Variants in HDX observed in about 807,000 individuals in gnomAD.
HDX encodes the protein highly divergent homeobox.
HDX carries 19 observed loss-of-function variants against 45.2 expected under a neutral mutation model. That is an observed-to-expected ratio of 0.42 (90% CI 0.29 to 0.62). The LOEUF is 0.62. HDX is among the 20% of genes least tolerant of loss of function. The pLI is 0.20. For synonymous variants in HDX, 188 were observed against 172.8 expected, an observed-to-expected ratio of 1.09 and a Z score of -0.69; for missense variants, 532 against 493.9, an observed-to-expected ratio of 1.08 and a Z score of -0.73.
intron 7 of HDX, among the ~76,000 whole-genome samples, chrX:84,343,735 A>T (rs2037137846): frequency 1.8e-5 from 2 of 111,466 alleles, no homozygotes; most frequent in African/African-American, 6.5e-5. Context: ...TATTATTTTA[A>T]TTATTTTTTA....
chrX:84,448,461 T>C (rs193067325), intron 4 of HDX, among the ~76,000 whole-genome samples: 47 of 110,785 alleles, frequency 4.2e-4, no homozygotes, highest in Non-Finnish European at 7.8e-4. Context: ...AATGTCTCTG[T>C]TCCCAGCAAA....
At chrX:84,466,219 C>A (rs967164214) in intron 4 of HDX, among the ~76,000 whole-genome samples, 1 of 112,351 alleles carries the variant, frequency 8.9e-6, no homozygotes, top group Admixed American at 9.4e-5. Flanking sequence ...AGCAGAGTTT[C>A]ATTAACTTTC....
At chrX:84,373,242 T>C (rs1000251168) in intron 5 of HDX, among the ~76,000 whole-genome samples, 2 of 111,304 alleles carry the variant, frequency 1.8e-5, no homozygotes, top group South Asian at 3.7e-4. Flanking sequence ...GCACTTTTGA[T>C]AGGAAATGTT....
intron 1 of HDX, among the ~76,000 whole-genome samples, chrX:84,496,398 T>A (rs1171951111): frequency 1.8e-5 from 2 of 110,105 alleles, no homozygotes; most frequent in South Asian, 3.9e-4. Flanking sequence ...AACTGGGAGG[T>A]CTTGTTAAAA....
chrX:84,445,061 A>G (rs192359412), intron 4 of HDX, among the ~76,000 whole-genome samples: 60 of 112,216 alleles, frequency 5.3e-4, no homozygotes, highest in Middle Eastern at 4.7e-3. Flanking sequence ...TTATGTAGTC[A>G]CACAGAGATT....
intron 5 of HDX, among the ~76,000 whole-genome samples, chrX:84,380,528 G>T (rs2038163971): frequency 9.0e-6 from 1 of 111,097 alleles, no homozygotes; most frequent in Admixed American, 9.5e-5. Flanking sequence ...CGTTCATCCT[G>T]ACCACGTGAG....
chrX:84,436,952 C>T (rs2039650908), intron 5 of HDX, among the ~76,000 whole-genome samples: 1 of 109,710 alleles, frequency 9.1e-6, no homozygotes, highest in Non-Finnish European at 1.9e-5. Context: ...TAGTTCTCAA[C>T]ATTTATTGTA....
chrX:84,334,898 G>GTA (rs1424731141), intron 8 of HDX, among the ~76,000 whole-genome samples: 1 of 110,230 alleles, frequency 9.1e-6, no homozygotes, highest in African/African-American at 3.3e-5. Flanking sequence ...TTCCTACTCT[G>GTA]TATGTGTGTG....
chrX:84,385,065 T>A (rs1349943355), intron 5 of HDX, among the ~76,000 whole-genome samples: 2 of 110,259 alleles, frequency 1.8e-5, no homozygotes, highest in African/African-American at 3.3e-5. Flanking sequence ...CTTTGAAGAA[T>A]GATGTTCAGA....
intron 5 of HDX, among the ~76,000 whole-genome samples, chrX:84,433,323 G>T (rs1020630261): frequency 1.8e-5 from 2 of 111,599 alleles, no homozygotes; most frequent in Non-Finnish European, 3.8e-5. Flanking sequence ...GTAGCTTGAG[G>T]TCTCTCATTT....
chrX:84,385,239 A>G (rs2038287985), intron 5 of HDX, among the ~76,000 whole-genome samples: 1 of 61,942 alleles, frequency 1.6e-5, no homozygotes, highest in African/African-American at 7.1e-5. Flanking sequence ...TTTGAGACGG[A>G]GTCTCGCTCT....
At chrX:84,381,190 G>T (rs181130568) in intron 5 of HDX, among the ~76,000 whole-genome samples, 1 of 111,006 alleles carries the variant, frequency 9.0e-6, no homozygotes, top group Admixed American at 9.6e-5. Context: ...ACTGATGAAA[G>T]AAATTGAAAA....
chrX:84,423,525 G>T (rs2039316735), intron 5 of HDX, among the ~76,000 whole-genome samples: 2 of 100,851 alleles, frequency 2.0e-5, no homozygotes, highest in African/African-American at 7.2e-5. Flanking sequence ...AAAACTGCAG[G>T]CCAATATATC....
At chrX:84,472,243 T>A (rs1294073579) in intron 3 of HDX, among the ~76,000 whole-genome samples, 1 of 111,475 alleles carries the variant, frequency 9.0e-6, no homozygotes, top group Non-Finnish European at 1.9e-5. Context: ...TACATACATA[T>A]GCATATTATA....
At chrX:84,340,979 T>C (rs1178021371) in intron 7 of HDX, among the ~76,000 whole-genome samples, 1 of 111,671 alleles carries the variant, frequency 9.0e-6, no homozygotes, top group African/African-American at 3.3e-5. Flanking sequence ...GAGTGGACCA[T>C]TAAGTGGTCT....
intron 4 of HDX, among the ~76,000 whole-genome samples, chrX:84,465,641 A>G (rs2040336355): frequency 8.9e-6 from 1 of 111,744 alleles, no homozygotes; most frequent in Non-Finnish European, 1.9e-5. Flanking sequence ...GGACACAGGG[A>G]GAGGAACATC....
chrX:84,458,742 G>A lies in HDX; in HGVS notation c.1251+9730C>T, dbSNP rs774137770. 1.3e-4 allele frequency among the ~76,000 whole-genome samples: 15 copies of A among 111,241 alleles called. No homozygotes were observed. The Admixed American group carries it at 1.4e-3, about 11-fold the overall frequency. On this transcript the variant is annotated intron_variant, in intron 4 of 10. Transcript: ENST00000373177. ...ACACATGATATTTCCTGTTCTACTG[G>A]CAAAATCGGAAACCTGCCTCAAAGA...
At position 84,410,061 on chromosome X, in the gene HDX, T is replaced by G. The variant is rs1475498476; in HGVS notation, c.1305+30471A>C. On this transcript the variant is annotated intron_variant, in intron 5 of 10. Transcript: ENST00000373177. ...GAGCAAGACTCTGTCTCAAAAAAGATTAAAAAAAAAAAAAAAAAAAAGAAT... is the reference window on the plus strand; with the variant it reads ...GAGCAAGACTCTGTCTCAAAAAAGAGTAAAAAAAAAAAAAAAAAAAAGAAT... Among the ~76,000 whole-genome samples the G allele has an allele frequency of 2.2e-3, 37 of 17,004 alleles. 1 individual carries two copies. The highest frequency in any genetic ancestry group is 9.3e-3 in the Admixed American group (7 of 755). The allele number at this position is 17,004 out of a possible 115,157, so 14.8% of individuals were successfully genotyped here. A position where few individuals can be genotyped will look rare whatever the true frequency, so the allele number is the denominator to read the frequency against.
intron 5 of HDX, among the ~76,000 whole-genome samples, chrX:84,395,607 A>G (rs1417386548): frequency 9.0e-6 from 1 of 111,318 alleles, no homozygotes; most frequent in African/African-American, 3.3e-5. Flanking sequence ...GTATTTGGAT[A>G]CCTAAATCTT....
Sources: allele counts gnomAD v4.1 joint callset (sites outside exome capture counted in the v4.1 genomes callset), GRCh38; gene constraint gnomAD v4.1.1; transcripts MANE v1.5; gene names NCBI Gene and HGNC (gene_info 2026-07-23, HGNC 2026-07-21).